Variants in CFAP36 observed in about 807,000 individuals in gnomAD.
The protein encoded by CFAP36 is cilia- and flagella-associated protein 36.
In CFAP36, 37 loss-of-function variants were observed where a neutral mutation model predicts 50.5. That is an observed-to-expected ratio of 0.73 (90% CI 0.56 to 0.96). The LOEUF (loss-of-function observed/expected upper bound fraction) is 0.96. CFAP36 is among the 50% of genes least tolerant of loss of function. CFAP36 has a pLI of 0.00. For synonymous variants in CFAP36, 138 were observed against 128.2 expected (o/e 1.08, Z -0.52); for missense variants, 407 against 396.2 (o/e 1.03, Z -0.23).
At chr2:55,527,629 T>A (rs942283894) in intron 3 of CFAP36, among the ~76,000 whole-genome samples, 1 of 151,994 alleles carries the variant, frequency 6.6e-6, no homozygotes, top group Non-Finnish European at 1.5e-5. Flanking sequence ...GCACCTTCAG[T>A]CAACTGAATT....
intron 3 of CFAP36, among the ~76,000 whole-genome samples, chr2:55,527,559 G>C (rs1245483303): frequency 6.6e-6 from 1 of 151,894 alleles, no homozygotes; most frequent in East Asian, 1.9e-4. Context: ...TCCAGCCTGG[G>C]TGACAGAACA....
At chr2:55,526,050 A>G (rs367815806) in intron 3 of CFAP36, among the ~76,000 whole-genome samples, 3 of 152,212 alleles carry the variant, frequency 2.0e-5, no homozygotes, top group Non-Finnish European at 2.9e-5. Flanking sequence ...AATCCTCATT[A>G]TCAGGGCCTG....
At chr2:55,521,245 C>T (rs1684055157) in intron 1 of CFAP36, among the ~76,000 whole-genome samples, 1 of 149,322 alleles carries the variant, frequency 6.7e-6, no homozygotes, top group South Asian at 2.1e-4. Context: ...GCTCTGTTGC[C>T]CAGGCTGGAG....
chr2:55,527,366 T>C (rs1480671483), intron 3 of CFAP36, among the ~76,000 whole-genome samples: 1 of 151,796 alleles, frequency 6.6e-6, no homozygotes, highest in Non-Finnish European at 1.5e-5. Flanking sequence ...GTGGATCACT[T>C]GAGGTCAGGA....
At chr2:55,526,121 A>T (rs571064821) in intron 3 of CFAP36, among the ~76,000 whole-genome samples, 2 of 152,220 alleles carry the variant, frequency 1.3e-5, no homozygotes, top group African/African-American at 4.8e-5. Context: ...CCAGAATTCA[A>T]TCTACTTAAC....
In CFAP36 at chr2:55,524,373, A is replaced by G. The variant is rs183569090; in HGVS notation, c.282+551A>G. Among the ~76,000 whole-genome samples the G allele has an allele frequency of 5.0e-4, 76 of 151,158 alleles. 1 individual carries two copies. The highest frequency in any genetic ancestry group is 1.8e-3 in the African/African-American group (72 of 41,118). ...GGGCTCAGGTAATCCTCCCATCTCA[A>G]CTTTCCTGGTAGCTGGGACTACAGG... On this transcript the variant is annotated intron_variant, in intron 3 of 9. Transcript: ENST00000349456.
At chr2:55,520,619 T>G (rs991583536) in intron 1 of CFAP36, 3 of 596,070 alleles carry the variant, frequency 5.0e-6, no homozygotes, top group Non-Finnish European at 8.1e-6. Context: ...TTCTTCAGGC[T>G]TGGAGTTCTG....
intron 1 of CFAP36, among the ~76,000 whole-genome samples, 177 bp from the exon 2 acceptor site, chr2:55,521,925 C>T (rs1275073228): frequency 3.9e-5 from 6 of 151,928 alleles, no homozygotes; most frequent in Middle Eastern, 3.4e-3. Context: ...CCACAGTGCT[C>T]GGCCAATAGT....
intron 7 of CFAP36, among the ~76,000 whole-genome samples, chr2:55,538,111 C>T (rs2103662324): frequency 6.6e-6 from 1 of 152,184 alleles, no homozygotes. Context: ...CAACATGTGG[C>T]AAATCTATTC....
At chr2:55,538,811 A>G in intron 7 of CFAP36, 1 of 1,543,156 alleles carries the variant, frequency 6.5e-7, no homozygotes, top group Non-Finnish European at 8.7e-7. Flanking sequence ...CGAACTCTTC[A>G]ATGGTGAAAT....
intron 7 of CFAP36, among the ~76,000 whole-genome samples, chr2:55,543,110 T>C (rs141912454): frequency 3.3e-4 from 50 of 152,282 alleles, no homozygotes; most frequent in African/African-American, 1.2e-3. Context: ...GGCAAAAATT[T>C]TAATCATTTA....
chr2:55,544,868 C>G (rs779631053), intron 9 of CFAP36, 39 bp from the exon 10 acceptor site: 3 of 1,344,926 alleles, frequency 2.2e-6, no homozygotes, highest in African/African-American at 3.0e-5. Flanking sequence ...ACAAATTACC[C>G]TATTTCATAC....
rs371099272 is a variant in CFAP36, at chr2:55,520,355, C to T, written c.115+439C>T. ...TCCTTATGATCCCTAGCATTTCGCC[C>T]GGTGTAGTCAGCTTAGGAAATGAGA... On this transcript the variant is annotated intron_variant, in intron 1 of 9. Transcript: ENST00000349456. 33 of 1,449,230 alleles carry T rather than the reference C, an allele frequency of 2.3e-5. No homozygotes were observed. In the East Asian group the frequency reaches 3.6e-4, roughly 16 times the overall value. The allele number at this position is 1,449,230 out of a possible 1,614,324, so 89.8% of individuals were successfully genotyped here.
At chr2:55,531,244 T>G (rs1684344215) in intron 4 of CFAP36, 1 of 152,254 alleles carries the variant, frequency 6.6e-6, no homozygotes, top group African/African-American at 2.4e-5. Context: ...TGCTTTATTC[T>G]GACTTACGGG....
intron 3 of CFAP36, among the ~76,000 whole-genome samples, chr2:55,527,111 A>T (rs1477089309): frequency 2.6e-5 from 4 of 152,222 alleles, no homozygotes; most frequent in Admixed American, 2.6e-4. Context: ...TTCCAAGAAG[A>T]CATAACAATC....
chr2:55,520,530 C>T, intron 1 of CFAP36: 3 of 1,407,354 alleles, frequency 2.1e-6, no homozygotes, highest in South Asian at 2.7e-5. Flanking sequence ...TGGGGCAGGA[C>T]CATTCTTGGA....
chr2:55,525,102 G>A (rs1449373187), intron 3 of CFAP36, among the ~76,000 whole-genome samples: 1 of 152,164 alleles, frequency 6.6e-6, no homozygotes, highest in Non-Finnish European at 1.5e-5. Flanking sequence ...CCAACTGAGT[G>A]CCCTTGCTCA....
chr2:55,535,804 A>G (rs1684467350), intron 6 of CFAP36, 41 bp downstream of exon 6: 3 of 1,534,406 alleles, frequency 2.0e-6, no homozygotes, highest in Non-Finnish European at 2.6e-6. Flanking sequence ...TATTGCTGTT[A>G]TCTCTTATTA....
chr2:55,520,297 G>C (rs1684026760), intron 1 of CFAP36: 1 of 998,012 alleles, frequency 1.0e-6, no homozygotes, highest in Non-Finnish European at 1.4e-6. Flanking sequence ...AGCTTTGCCA[G>C]ACTTGAGAGG....
Sources: allele counts gnomAD v4.1 joint callset (sites outside exome capture counted in the v4.1 genomes callset), GRCh38; gene constraint gnomAD v4.1.1; transcripts MANE v1.5; gene names NCBI Gene and HGNC (gene_info 2026-07-23, HGNC 2026-07-21).